CNTN5: variants seen among roughly 807,000 people sequenced by gnomAD.
The protein encoded by CNTN5 is contactin-5.
A neutral mutation model predicts 129.1 loss-of-function variants in CNTN5; 77 were observed. The ratio of observed to expected loss-of-function variants is 0.60; its 90% CI spans 0.50 to 0.72. The LOEUF is 0.72. CNTN5 is among the 30% of genes least tolerant of loss of function. The probability of loss-of-function intolerance (pLI) is 0.00; values close to 1 mark genes in which losing one functional copy is unlikely to be tolerated. For synonymous variants in CNTN5, 509 were observed against 465.6 expected (o/e 1.09, Z -1.20); for missense variants, 1,478 against 1,328.8 (o/e 1.11, Z -1.75).
chr11:99,379,919 A>C (rs1349857445), intron 2 of CNTN5, among the ~76,000 whole-genome samples: 10 of 152,050 alleles, frequency 6.6e-5, no homozygotes, highest in Non-Finnish European at 1.5e-4. Context: ...ATACACATAT[A>C]TGTGTATATA....
chr11:99,968,656 C>CTCTTTTTTTTTTTTTTTTT (rs1951161575), intron 8 of CNTN5, among the ~76,000 whole-genome samples: 1 of 73,870 alleles, frequency 1.4e-5, no homozygotes, highest in Non-Finnish European at 2.5e-5. Flanking sequence ...GCTTTGGGTA[C>CTCTTTTTTTTTTTTTTTTT]TTTTTTTTTT....
chr11:99,553,158 G>A (rs1948551146), intron 2 of CNTN5, among the ~76,000 whole-genome samples: 1 of 152,112 alleles, frequency 6.6e-6, no homozygotes, highest in Admixed American at 6.6e-5. Context: ...TTGACAGAAA[G>A]TACATATTCT....
intron 13 of CNTN5, among the ~76,000 whole-genome samples, chr11:100,161,856 C>T (rs1217845226): frequency 2.0e-5 from 3 of 149,716 alleles, no homozygotes; most frequent in African/African-American, 7.5e-5. Context: ...CACACACACA[C>T]ACACACACAC....
At chr11:100,137,241 A>T (rs945613516) in intron 13 of CNTN5, among the ~76,000 whole-genome samples, 1 of 152,098 alleles carries the variant, frequency 6.6e-6, no homozygotes, top group Non-Finnish European at 1.5e-5. Flanking sequence ...ATCAATTTTA[A>T]TATTCAGGCT....
At chr11:100,123,912 A>G (rs1310333921) in intron 13 of CNTN5, among the ~76,000 whole-genome samples, 1 of 152,024 alleles carries the variant, frequency 6.6e-6, no homozygotes, top group Non-Finnish European at 1.5e-5. Context: ...GGAAATTACT[A>G]TGTCATCATC....
chr11:100,180,268 CAT>C (rs556643283), intron 13 of CNTN5, among the ~76,000 whole-genome samples: 1 of 152,078 alleles, frequency 6.6e-6, no homozygotes. Context: ...GGAATAGACA[CAT>C]AGGTTAACAG....
At chr11:99,839,812 C>T (rs1591288879) in intron 4 of CNTN5, among the ~76,000 whole-genome samples, 1 of 152,054 alleles carries the variant, frequency 6.6e-6, no homozygotes, top group South Asian at 2.1e-4. Flanking sequence ...CAACCAAACT[C>T]AACAAAGTCA....
At chr11:99,300,307 T>A (rs551385761) in intron 1 of CNTN5, among the ~76,000 whole-genome samples, 52 of 152,168 alleles carry the variant, frequency 3.4e-4, no homozygotes, top group Admixed American at 5.9e-4. Flanking sequence ...CATGCCTTGT[T>A]TGTTGATAAT....
intron 13 of CNTN5, among the ~76,000 whole-genome samples, chr11:100,169,679 G>A (rs916996682): frequency 6.6e-6 from 1 of 151,934 alleles, no homozygotes; most frequent in African/African-American, 2.4e-5. Context: ...AGACATTTTT[G>A]TGACTTGCTT....
chr11:100,292,046 A>T (rs926576535), intron 18 of CNTN5, among the ~76,000 whole-genome samples: 92 of 152,104 alleles, frequency 6.0e-4, no homozygotes, highest in African/African-American at 8.2e-4. Context: ...TAATTTAATT[A>T]AAAAAATTTA....
At chr11:99,285,593 G>T (rs80269478) in intron 1 of CNTN5, among the ~76,000 whole-genome samples, 1 of 134,454 alleles carries the variant, frequency 7.4e-6, no homozygotes, top group Non-Finnish European at 1.6e-5. Context: ...TCAAGTTAAA[G>T]AAAAAAAAAA....
At chr11:99,637,830 A>G (rs1459492177) in intron 3 of CNTN5, among the ~76,000 whole-genome samples, 3 of 151,984 alleles carry the variant, frequency 2.0e-5, no homozygotes, top group African/African-American at 7.2e-5. Context: ...AAAAGACTCC[A>G]TTTTATATTC....
intron 15 of CNTN5, among the ~76,000 whole-genome samples, chr11:100,201,577 T>C (rs1409489448): frequency 6.6e-6 from 1 of 152,002 alleles, no homozygotes; most frequent in Non-Finnish European, 1.5e-5. Flanking sequence ...CTTAAGGGAC[T>C]GCTGTTCACA....
chr11:99,672,150 C>T (rs1192893247), intron 3 of CNTN5, among the ~76,000 whole-genome samples: 1 of 152,122 alleles, frequency 6.6e-6, no homozygotes, highest in Non-Finnish European at 1.5e-5. Context: ...TGTAATTTCA[C>T]CCTCTTCGAA....
chr11:100,066,419 A>G (rs1943697453), intron 10 of CNTN5, among the ~76,000 whole-genome samples: 1 of 152,168 alleles, frequency 6.6e-6, no homozygotes, highest in South Asian at 2.1e-4. Flanking sequence ...AAAGAGGCCA[A>G]TAACACTTAG....
intron 1 of CNTN5, among the ~76,000 whole-genome samples, chr11:99,251,511 C>A (rs1334241942): frequency 6.6e-6 from 1 of 151,216 alleles, no homozygotes; most frequent in African/African-American, 2.4e-5. Flanking sequence ...ACTCAATTTA[C>A]CTAGTAATTT....
intron 8 of CNTN5, among the ~76,000 whole-genome samples, chr11:99,957,718 T>G (rs1950840358): frequency 6.6e-6 from 1 of 152,154 alleles, no homozygotes; most frequent in South Asian, 2.1e-4. Flanking sequence ...CCTGGTTGAT[T>G]GTGAAACTTA....
chr11:99,746,112 A>G lies in CNTN5; in HGVS notation c.56-73432A>G, dbSNP rs116593236. ...TATTTTAGTTTCTATTTAAAAGAAC[A>G]ACTGTGCATTTGGGGTCATACTAAA... On this transcript the variant is annotated intron_variant, in intron 3 of 24. Coordinates refer to ENST00000524871, the MANE Select transcript of CNTN5 (RefSeq NM_014361.4). Among the ~76,000 whole-genome samples, 1,083 of 152,366 alleles carry G rather than the reference A, an allele frequency of 7.1e-3. 21 individuals carry two copies. Among genetic ancestry groups the G allele is most frequent in the African/African-American group, 0.025 (1,049 of 41,584 alleles).
chr11:99,908,347 T>C lies in CNTN5; in HGVS notation c.578-7707T>C, dbSNP rs1259692533. Among the ~76,000 whole-genome samples, 7 of 152,210 alleles carry C rather than the reference T, an allele frequency of 4.6e-5. No homozygotes were observed. The East Asian group carries it at 1.2e-3, about 25-fold the overall frequency. On this transcript the variant is annotated intron_variant, in intron 6 of 24. Coordinates refer to ENST00000524871, the MANE Select transcript of CNTN5 (RefSeq NM_014361.4). Reference sequence around the variant, plus strand: ...CATCTGCAAGTTATAAGAATTGCTATACTAAACGATTTTCTGGTTTTACTA... The same window carrying C: ...CATCTGCAAGTTATAAGAATTGCTACACTAAACGATTTTCTGGTTTTACTA...
Sources: allele counts gnomAD v4.1 joint callset (sites outside exome capture counted in the v4.1 genomes callset), GRCh38; gene constraint gnomAD v4.1.1; transcripts MANE v1.5; gene names NCBI Gene and HGNC (gene_info 2026-07-23, HGNC 2026-07-21).